Variants in ACOXL observed in about 807,000 individuals in gnomAD.
The protein encoded by ACOXL is acyl-CoA oxidase like, also known as acyl-coenzyme A oxidase-like protein.
In ACOXL, 70 loss-of-function variants were observed where a neutral mutation model predicts 71.9. The ratio of observed to expected loss-of-function variants is 0.97; its 90% CI spans 0.80 to 1.19. The LOEUF is 1.19. Ranked by LOEUF, ACOXL falls within the 50% of genes most tolerant of loss-of-function variation. ACOXL has a pLI of 0.00. For missense variants in ACOXL, 703 were observed against 736.3 expected (o/e 0.95, Z 0.52); for synonymous variants, 253 against 281.6 (o/e 0.90, Z 1.02).
chr2:110,880,463 A>G (rs1193497773), intron 10 of ACOXL, among the ~76,000 whole-genome samples: 1 of 152,212 alleles, frequency 6.6e-6, no homozygotes, highest in Non-Finnish European at 1.5e-5. Context: ...AATTTATGTA[A>G]CAATCCTTCT....
chr2:111,093,906 A>C, intron 17 of ACOXL: 1 of 171,274 alleles, frequency 5.8e-6, no homozygotes, highest in Non-Finnish European at 1.2e-5. Flanking sequence ...ACAAAACAAA[A>C]CACAAATACT....
At chr2:111,041,420 G>A (rs1340515228) in intron 15 of ACOXL, among the ~76,000 whole-genome samples, 2 of 152,186 alleles carry the variant, frequency 1.3e-5, no homozygotes, top group Non-Finnish European at 2.9e-5. Context: ...TTGTTCCGCT[G>A]ATGGGACAGT....
intron 16 of ACOXL, among the ~76,000 whole-genome samples, chr2:111,050,717 A>G (rs1173344702): frequency 6.6e-6 from 1 of 152,188 alleles, no homozygotes; most frequent in Non-Finnish European, 1.5e-5. Flanking sequence ...ATTTTGGGGT[A>G]CAGAGGGCAG....
intron 12 of ACOXL, among the ~76,000 whole-genome samples, chr2:110,965,812 G>A (rs1002176286): frequency 6.6e-6 from 1 of 152,252 alleles, no homozygotes; most frequent in Non-Finnish European, 1.5e-5. Context: ...TTTGGGACTT[G>A]AACAATGAAA....
At chr2:111,022,421 T>TCACACACACA (rs10543530) in intron 14 of ACOXL, among the ~76,000 whole-genome samples, 3,893 of 147,454 alleles carry the variant, frequency 0.026, 162 homozygotes, top group African/African-American at 0.088. Context: ...AGACCCCTCC[T>TCACACACACA]CACACACACA....
At chr2:111,000,488 G>A (rs535691741) in intron 14 of ACOXL, among the ~76,000 whole-genome samples, 1 of 152,294 alleles carries the variant, frequency 6.6e-6, no homozygotes, top group South Asian at 2.1e-4. Context: ...TCATTTCTGA[G>A]GGCTTCTGTG....
chr2:110,919,063 A>G (rs1330080457), intron 11 of ACOXL, among the ~76,000 whole-genome samples: 2 of 151,470 alleles, frequency 1.3e-5, no homozygotes, highest in African/African-American at 4.9e-5. Context: ...GTATATACCC[A>G]AAGGATTATA....
chr2:111,030,764 A>G (rs187530828), intron 14 of ACOXL, among the ~76,000 whole-genome samples: 1 of 152,174 alleles, frequency 6.6e-6, no homozygotes, highest in East Asian at 1.9e-4. Flanking sequence ...TAAGTATTAA[A>G]CCCATGTGGT....
chr2:110,770,259 C>T (rs572770568), intron 2 of ACOXL, among the ~76,000 whole-genome samples: 1 of 152,296 alleles, frequency 6.6e-6, no homozygotes, highest in African/African-American at 2.4e-5. Context: ...ACCACAGGGG[C>T]GCCTTTCTTT....
chr2:110,831,274 T>C (rs1197399753), intron 9 of ACOXL, among the ~76,000 whole-genome samples: 1 of 152,222 alleles, frequency 6.6e-6, no homozygotes, highest in Admixed American at 6.5e-5. Flanking sequence ...CTCCTAGAAC[T>C]AATAATTGAG....
chr2:110,880,168 A>AAAAAG (rs1171665235), intron 10 of ACOXL, among the ~76,000 whole-genome samples: 4 of 150,794 alleles, frequency 2.7e-5, no homozygotes, highest in East Asian at 3.9e-4. Flanking sequence ...AAAAAAAAAA[A>AAAAAG]AAAAGAAAAG....
chr2:110,946,287 T>A (rs905689998), intron 12 of ACOXL, among the ~76,000 whole-genome samples: 1 of 152,242 alleles, frequency 6.6e-6, no homozygotes, highest in Non-Finnish European at 1.5e-5. Flanking sequence ...TTTGGGTAGA[T>A]CCTACGAGGT....
chr2:111,054,676 C>T (rs2066447292), intron 16 of ACOXL, among the ~76,000 whole-genome samples: 1 of 152,198 alleles, frequency 6.6e-6, no homozygotes, highest in Non-Finnish European at 1.5e-5. Context: ...CCCCTGCCAC[C>T]ATGGTCTGGC....
At chr2:111,009,562 A>G (rs1395186632) in intron 14 of ACOXL, among the ~76,000 whole-genome samples, 1 of 152,054 alleles carries the variant, frequency 6.6e-6, no homozygotes, top group Non-Finnish European at 1.5e-5. Context: ...GAGACTGCCA[A>G]GATTAGTGAA....
At chr2:110,972,547 C>G (rs1353282929) in intron 12 of ACOXL, among the ~76,000 whole-genome samples, 1 of 152,068 alleles carries the variant, frequency 6.6e-6, no homozygotes, top group African/African-American at 2.4e-5. Context: ...TACTTATACT[C>G]ATGGCTATGA....
chr2:111,098,204 T>C (rs2068915537), intron 17 of ACOXL: 1 of 152,204 alleles, frequency 6.6e-6, no homozygotes, highest in South Asian at 2.1e-4. Flanking sequence ...AGGAACGGTC[T>C]ACAATTCAGG....
chr2:111,046,987 T>C (rs896076583), intron 15 of ACOXL, among the ~76,000 whole-genome samples: 10 of 152,076 alleles, frequency 6.6e-5, no homozygotes, highest in African/African-American at 2.4e-4. Context: ...GAGCGAGAAG[T>C]TCTCCAGAAA....
intron 12 of ACOXL, among the ~76,000 whole-genome samples, chr2:110,983,064 A>G (rs989738185): frequency 6.6e-6 from 1 of 152,218 alleles, no homozygotes; most frequent in Non-Finnish European, 1.5e-5. Context: ...CTCCCACTCT[A>G]TGGTACAAAC....
At chr2:111,002,055 TGTC>T (rs938321125) in intron 14 of ACOXL, among the ~76,000 whole-genome samples, 1 of 152,106 alleles carries the variant, frequency 6.6e-6, no homozygotes, top group African/African-American at 2.4e-5. Flanking sequence ...CTGGAAGCCA[TGTC>T]ATGAGCAGCC....
Sources: allele counts gnomAD v4.1 joint callset (sites outside exome capture counted in the v4.1 genomes callset), GRCh38; gene constraint gnomAD v4.1.1; transcripts MANE v1.5; gene names NCBI Gene and HGNC (gene_info 2026-07-23, HGNC 2026-07-21).